The following RGS6 variants were observed in gnomAD, a reference collection of about 807,000 sequenced individuals.
The protein encoded by RGS6 is regulator of G protein signaling 6.
In RGS6, 30 loss-of-function variants were observed where a neutral mutation model predicts 78.5. The observed-to-expected ratio is 0.38, with a 90% confidence interval of 0.29 to 0.52. RGS6 has a LOEUF of 0.52. RGS6 is among the 20% of genes least tolerant of loss of function. The probability of loss-of-function intolerance (pLI) is 0.85; values close to 1 mark genes in which losing one functional copy is unlikely to be tolerated. For missense variants in RGS6, 495 were observed against 609.7 expected, an observed-to-expected ratio of 0.81 and a Z score of 1.98; for synonymous variants, 206 against 206.0, an observed-to-expected ratio of 1.00 and a Z score of 0.00.
Position 72,185,769 on chromosome 14 carries a change from C to A in RGS6, c.85-166326C>A, listed in dbSNP as rs117684007. 2.9e-3 allele frequency among the ~76,000 whole-genome samples: 435 copies of A among 152,228 alleles called. 13 individuals carry two copies. In the East Asian group the frequency reaches 0.076, roughly 26 times the overall value. The stretch of plus-strand genomic sequence containing the variant: ...AACCAGCCTGGGCAACATGGGGAGA[C>A]CCCATCTCTACAAAAAATGTAAAAA... On this transcript the variant is annotated intron_variant, in intron 2 of 17. Transcript: ENST00000553525.
At chr14:72,439,283 C>T (rs894789538) in intron 3 of RGS6, among the ~76,000 whole-genome samples, 1 of 152,200 alleles carries the variant, frequency 6.6e-6, no homozygotes, top group Admixed American at 6.5e-5. Flanking sequence ...ATATGGGGCA[C>T]AGTAGGAGCT....
chr14:72,419,563 G>A (rs1422157285), intron 3 of RGS6, among the ~76,000 whole-genome samples: 1 of 152,196 alleles, frequency 6.6e-6, no homozygotes. Flanking sequence ...AATACAATGT[G>A]TCTGTGCACA....
intron 2 of RGS6, among the ~76,000 whole-genome samples, chr14:71,991,278 C>T (rs549211489): frequency 1.3e-5 from 2 of 152,136 alleles, no homozygotes; most frequent in East Asian, 1.9e-4. Flanking sequence ...TTGAGTTTGG[C>T]GGCTGTCCAC....
At chr14:72,206,142 C>T (rs2042654250) in intron 2 of RGS6, among the ~76,000 whole-genome samples, 1 of 152,122 alleles carries the variant, frequency 6.6e-6, no homozygotes, top group African/African-American at 2.4e-5. Flanking sequence ...TATAATATGC[C>T]TCTACTCTTG....
intron 2 of RGS6, among the ~76,000 whole-genome samples, chr14:72,204,064 T>C (rs1567461188): frequency 6.6e-6 from 1 of 152,164 alleles, no homozygotes; most frequent in Admixed American, 6.6e-5. Flanking sequence ...CCTCCAGTGA[T>C]CTGCCCACCT....
intron 2 of RGS6, among the ~76,000 whole-genome samples, chr14:72,078,480 C>T (rs1222305134): frequency 6.6e-6 from 1 of 152,022 alleles, no homozygotes; most frequent in Admixed American, 6.5e-5. Flanking sequence ...GTGGCGCCAT[C>T]TCAGCTCACT....
chr14:72,042,647 C>CT (rs34704022), intron 2 of RGS6, among the ~76,000 whole-genome samples: 118 of 151,958 alleles, frequency 7.8e-4, no homozygotes, highest in African/African-American at 2.7e-3. Context: ...ATATAATAAA[C>CT]TTTTTTTTTC....
At chr14:72,587,908 A>C in the RGS6 span, among the ~76,000 whole-genome samples, 1 of 152,150 alleles carries the variant, frequency 6.6e-6, no homozygotes, top group African/African-American at 2.4e-5. Context: ...TTGACATCCC[A>C]AAAGCTTCCA....
chr14:71,877,489 GC>G, the RGS6 span, among the ~76,000 whole-genome samples: 2 of 152,138 alleles, frequency 1.3e-5, no homozygotes, highest in Non-Finnish European at 2.9e-5. Flanking sequence ...GCTTGTGCAT[GC>G]ATCATGTAGT....
At chr14:72,458,223 A>C (rs1189527691) in intron 4 of RGS6, 48 bp from the exon 5 acceptor site, 1 of 1,478,410 alleles carries the variant, frequency 6.8e-7, no homozygotes, top group Admixed American at 1.8e-5. Context: ...TTTTCAGCCA[A>C]ATAACCTGCT....
In RGS6 at chr14:72,092,001, C is replaced by CTTTTGTTTTGTTTTGTTTTG. The variant is rs10595733; in HGVS notation, c.84+127146_84+127165dup. 5.5e-4 allele frequency among the ~76,000 whole-genome samples: 83 copies of CTTTTGTTTTGTTTTGTTTTG among 150,774 alleles called. No homozygotes were observed. In the South Asian group the frequency reaches 6.4e-3, roughly 12 times the overall value. On this transcript the variant is annotated intron_variant, in intron 2 of 17. Transcript: ENST00000553525. ...TTTAGTAATTAGCTATAGCTTCAGCCTTTTGTTTTGTTTTGTTTTGTTTTG... is the reference window on the plus strand; with the variant it reads ...TTTAGTAATTAGCTATAGCTTCAGCCTTTTGTTTTGTTTTGTTTTGTTTTGTTTTGTTTTGTTTTGTTTTG...
chr14:72,168,603 T>C (rs75788095), intron 2 of RGS6, among the ~76,000 whole-genome samples: 2,584 of 152,346 alleles, frequency 0.017, 37 homozygotes, highest in Non-Finnish European at 0.028. Flanking sequence ...GATATACTAT[T>C]GGGTTAAATA....
intron 2 of RGS6, among the ~76,000 whole-genome samples, chr14:72,177,088 T>A (rs1376059727): frequency 6.6e-6 from 1 of 152,318 alleles, no homozygotes; most frequent in South Asian, 2.1e-4. Context: ...TGTGTATAAT[T>A]CCACAGCATG....
At chr14:72,554,448 A>G (rs995655616) in intron 17 of RGS6, among the ~76,000 whole-genome samples, 1 of 152,102 alleles carries the variant, frequency 6.6e-6, no homozygotes, top group Non-Finnish European at 1.5e-5. Context: ...TGAATTTCCT[A>G]GTTGGAAAAA....
chr14:72,426,150 T>A (rs1050278638), intron 3 of RGS6, among the ~76,000 whole-genome samples: 5 of 152,226 alleles, frequency 3.3e-5, no homozygotes, highest in Non-Finnish European at 7.3e-5. Context: ...CCAAGTGATC[T>A]AAGCTATATT....
In RGS6 at chr14:72,027,967, A is replaced by G. The variant is rs376066183; in HGVS notation, c.84+63092A>G. Reference sequence around the variant, plus strand: ...AGCATGATCTCAGTTGGTTTAGGATATGAATGCCATACACACTCATTGTTT... The same window carrying G: ...AGCATGATCTCAGTTGGTTTAGGATGTGAATGCCATACACACTCATTGTTT... On this transcript the variant is annotated intron_variant, in intron 2 of 17. Transcript: ENST00000553525. 6.9e-4 allele frequency among the ~76,000 whole-genome samples: 105 copies of G among 152,296 alleles called. 1 individual carries two copies. The highest frequency in any genetic ancestry group is 3.4e-3 in the Middle Eastern group (1 of 294).
At position 72,037,295 on chromosome 14, in the gene RGS6, G is replaced by A. The variant is rs140150160; in HGVS notation, c.84+72420G>A. Among the ~76,000 whole-genome samples, 1,157 of 152,258 alleles carry A rather than the reference G, an allele frequency of 7.6e-3. 11 individuals carry two copies. Among genetic ancestry groups the A allele is most frequent in the African/African-American group, 0.026 (1,062 of 41,552 alleles). On this transcript the variant is annotated intron_variant, in intron 2 of 17. Coordinates refer to ENST00000553525, the MANE Select transcript of RGS6 (RefSeq NM_001204424.2). Reference sequence around the variant, plus strand: ...CTTCCATCCACACTGTGGAAGCTTTGTTCTTTCACTCTTCACAATAAATCT... The same window carrying A: ...CTTCCATCCACACTGTGGAAGCTTTATTCTTTCACTCTTCACAATAAATCT...
At chr14:72,247,427 A>C (rs2054507984) in intron 2 of RGS6, among the ~76,000 whole-genome samples, 1 of 152,250 alleles carries the variant, frequency 6.6e-6, no homozygotes, top group South Asian at 2.1e-4. Context: ...ATCATTTAAA[A>C]TCAGGTTTTT....
intron 3 of RGS6, among the ~76,000 whole-genome samples, chr14:72,448,199 T>C (rs765083415): frequency 6.6e-5 from 10 of 152,232 alleles, no homozygotes; most frequent in Admixed American, 1.3e-4. Context: ...TTGTAAGTGA[T>C]GTACCATGAG....
Sources: gnomAD v4.1 joint callset for allele counts (sites outside exome capture counted in the v4.1 genomes callset) on GRCh38, gnomAD v4.1.1 for gene constraint, MANE v1.5 for transcripts, NCBI Gene and HGNC (gene_info 2026-07-23, HGNC 2026-07-21) for gene names.